INO80: variants seen among roughly 807,000 people sequenced by gnomAD.
INO80 encodes chromatin-remodeling ATPase INO80.
INO80 carries 20 observed loss-of-function variants against 203.4 expected under a neutral mutation model. The observed-to-expected ratio is 0.10, with a 90% CI of 0.07 to 0.14. The LOEUF (loss-of-function observed/expected upper bound fraction) is 0.14, where lower values mean the gene tolerates loss of function less well. Ranked by LOEUF, INO80 falls within the 10% of genes least tolerant of loss-of-function variation. The probability of loss-of-function intolerance (pLI) is 1.00; values close to 1 mark genes in which losing one functional copy is unlikely to be tolerated. For missense variants in INO80, 1,419 were observed against 1,914.4 expected, an observed-to-expected ratio of 0.74 and a Z score of 4.83; for synonymous variants, 726 against 685.2, an observed-to-expected ratio of 1.06 and a Z score of -0.93.
At chr15:41,083,004 C>T (rs1326654338) in intron 7 of INO80, among the ~76,000 whole-genome samples, 2 of 151,790 alleles carry the variant, frequency 1.3e-5, no homozygotes, top group Admixed American at 6.6e-5. Flanking sequence ...AAGCACAGGC[C>T]GGGTGCAGTG....
At chr15:41,063,880 T>G (rs2045162224) in intron 14 of INO80, among the ~76,000 whole-genome samples, 1 of 152,078 alleles carries the variant, frequency 6.6e-6, no homozygotes, top group Admixed American at 6.5e-5. Flanking sequence ...AGAAAAAAAT[T>G]AAAGAAAAAC....
intron 29 of INO80, among the ~76,000 whole-genome samples, chr15:40,990,305 A>G (rs2043799566): frequency 6.6e-6 from 1 of 152,168 alleles, no homozygotes; most frequent in Non-Finnish European, 1.5e-5. Flanking sequence ...TATGGTGTCA[A>G]TTATTTCATG....
In INO80 at chr15:41,068,239, T is replaced by C. The variant is rs140753071; in HGVS notation, c.1782+1331A>G. 8.3e-3 allele frequency among the ~76,000 whole-genome samples: 1,260 copies of C among 152,016 alleles called. 12 individuals carry two copies. The highest frequency in any genetic ancestry group is 0.014 in the Non-Finnish European group (966 of 67,970). On this transcript the variant is annotated intron_variant, in intron 14 of 35. Coordinates refer to ENST00000648947, the MANE Select transcript of INO80 (RefSeq NM_017553.3). ...GAGTTCAAGACCAGCCTGGGCAACA[T>C]AGTGAGACCTGCCTCTACTAAAAAA...
At chr15:41,107,995 G>C (rs995560859) in intron 1 of INO80, among the ~76,000 whole-genome samples, 9 of 152,024 alleles carry the variant, frequency 5.9e-5, no homozygotes, top group African/African-American at 1.9e-4. Context: ...AGCTACTAGG[G>C]AGACTGAGGC....
intron 1 of INO80, among the ~76,000 whole-genome samples, chr15:41,106,602 T>C (rs552505038): frequency 2.7e-3 from 405 of 152,106 alleles, no homozygotes; most frequent in African/African-American, 9.0e-3. Context: ...CACTCCAGCC[T>C]GGGTGACAGG....
intron 9 of INO80, among the ~76,000 whole-genome samples, chr15:41,076,214 A>T (rs907246379): frequency 1.3e-5 from 2 of 152,080 alleles, no homozygotes; most frequent in African/African-American, 4.8e-5. Flanking sequence ...TACAAAAATT[A>T]GCCAGGCATG....
chr15:41,087,759 G>C (rs1208435708), intron 5 of INO80, 77 bp from the exon 6 acceptor site: 5 of 1,453,738 alleles, frequency 3.4e-6, no homozygotes, highest in Non-Finnish European at 4.6e-6. Flanking sequence ...AGAAAACTAA[G>C]CCAGAGGAAA....
intron 30 of INO80, among the ~76,000 whole-genome samples, chr15:40,987,509 A>G (rs2043754752): frequency 6.6e-6 from 1 of 152,238 alleles, no homozygotes; most frequent in South Asian, 2.1e-4. Context: ...GTACTAGGAT[A>G]GGAACTAAAA....
intron 27 of INO80, among the ~76,000 whole-genome samples, chr15:41,010,218 C>T (rs1206553628): frequency 1.3e-5 from 2 of 152,198 alleles, no homozygotes; most frequent in Non-Finnish European, 2.9e-5. Context: ...TGAGCATTCA[C>T]TAACTGCCAG....
At chr15:41,082,271 A>G (rs1481267337) in intron 7 of INO80, among the ~76,000 whole-genome samples, 3 of 148,788 alleles carry the variant, frequency 2.0e-5, no homozygotes, top group African/African-American at 7.5e-5. Flanking sequence ...AAAAAAAAAA[A>G]GTCATTTCTT....
chr15:41,015,394 T>C (rs915156452), intron 27 of INO80, among the ~76,000 whole-genome samples: 2 of 152,214 alleles, frequency 1.3e-5, no homozygotes, highest in African/African-American at 2.4e-5. Flanking sequence ...AGAATCACTA[T>C]ATTAACTCAG....
intron 24 of INO80, among the ~76,000 whole-genome samples, chr15:41,042,895 C>T (rs1210939510): frequency 6.6e-6 from 1 of 152,194 alleles, no homozygotes; most frequent in Non-Finnish European, 1.5e-5. Flanking sequence ...AGAACAGTGT[C>T]TCCACACATA....
At chr15:41,086,227 G>A (rs139949440) in intron 6 of INO80, among the ~76,000 whole-genome samples, 1 of 152,266 alleles carries the variant, frequency 6.6e-6, no homozygotes, top group African/African-American at 2.4e-5. Context: ...ATGTCACTAA[G>A]ACTTGCAAGA....
chr15:41,090,401 A>C (rs1045466807), intron 5 of INO80, among the ~76,000 whole-genome samples: 10 of 151,672 alleles, frequency 6.6e-5, no homozygotes, highest in Non-Finnish European at 1.0e-4. Context: ...CATGGTGAAA[A>C]CCCGTCTTTA....
intron 7 of INO80, among the ~76,000 whole-genome samples, chr15:41,084,743 A>G (rs1008130465): frequency 6.6e-6 from 1 of 152,072 alleles, no homozygotes; most frequent in African/African-American, 2.4e-5. Context: ...TTTTGAGATA[A>G]AATAAATAAA....
chr15:41,029,732 C>T (rs955781868), intron 24 of INO80, among the ~76,000 whole-genome samples: 1 of 152,182 alleles, frequency 6.6e-6, no homozygotes, highest in Non-Finnish European at 1.5e-5. Context: ...ACATGAGTAT[C>T]GTTACAAAGA....
chr15:41,033,854 A>T (rs1226275151), intron 24 of INO80, among the ~76,000 whole-genome samples: 1 of 152,098 alleles, frequency 6.6e-6, no homozygotes, highest in Non-Finnish European at 1.5e-5. Context: ...GATCAAGACC[A>T]TCCTGGCTAA....
At chr15:41,086,413 G>C (rs935373959) in intron 6 of INO80, among the ~76,000 whole-genome samples, 1 of 152,142 alleles carries the variant, frequency 6.6e-6, no homozygotes, top group Non-Finnish European at 1.5e-5. Flanking sequence ...CACTTTGAGA[G>C]GCCAAGGCAG....
At chr15:41,091,565 T>G (rs571605961) in intron 5 of INO80, among the ~76,000 whole-genome samples, 10 of 151,938 alleles carry the variant, frequency 6.6e-5, no homozygotes, top group African/African-American at 2.4e-4. Context: ...TTCCCCTTCC[T>G]GTGTCCATGT....
Sources: gnomAD v4.1 joint callset for allele counts (sites outside exome capture counted in the v4.1 genomes callset) on GRCh38, gnomAD v4.1.1 for gene constraint, MANE v1.5 for transcripts, NCBI Gene and HGNC (gene_info 2026-07-23, HGNC 2026-07-21) for gene names.